LHFPL6: variants seen among roughly 807,000 people sequenced by gnomAD.
The protein encoded by LHFPL6 is LHFPL tetraspan subfamily member 6.
Under a neutral mutation model 20.6 loss-of-function variants are expected in LHFPL6, and 9 were observed. The ratio of observed to expected loss-of-function variants is 0.44; its 90% confidence interval spans 0.26 to 0.76. The LOEUF is 0.76. LHFPL6 is among the 30% of genes least tolerant of loss of function. The pLI is 0.20. For synonymous variants in LHFPL6, 105 were observed against 98.7 expected (o/e 1.06, Z -0.38); for missense variants, 218 against 253.5 (o/e 0.86, Z 0.95).
chr13:39,409,368 C>G (rs1360502127), intron 2 of LHFPL6, among the ~76,000 whole-genome samples: 5 of 152,016 alleles, frequency 3.3e-5, no homozygotes, highest in Non-Finnish European at 5.9e-5. Flanking sequence ...GCAGGAGAAT[C>G]GCTTGAACCT....
At chr13:39,494,261 G>C (rs757195613) in intron 2 of LHFPL6, among the ~76,000 whole-genome samples, 2 of 152,216 alleles carry the variant, frequency 1.3e-5, no homozygotes, top group African/African-American at 2.4e-5. Context: ...ATTGCTAGTC[G>C]CAGCTCTTAG....
intron 3 of LHFPL6, among the ~76,000 whole-genome samples, chr13:39,347,138 C>T (rs1869427692): frequency 1.3e-5 from 2 of 151,304 alleles, no homozygotes; most frequent in East Asian, 3.9e-4. Flanking sequence ...CAATGTCCTT[C>T]CTATAGCCTA....
intron 2 of LHFPL6, among the ~76,000 whole-genome samples, chr13:39,535,649 C>T (rs7986918): frequency 0.96 from 145,960 of 152,318 alleles, 69,950 homozygotes; most frequent in African/African-American, 0.96. Flanking sequence ...ACACATTCTG[C>T]TTTACTAGCT....
chr13:39,438,892 A>C (rs989877510), intron 2 of LHFPL6, among the ~76,000 whole-genome samples: 10 of 152,222 alleles, frequency 6.6e-5, no homozygotes, highest in African/African-American at 2.2e-4. Flanking sequence ...TTCAGGTAGA[A>C]GCCTGCTGCA....
At chr13:39,409,660 T>C (rs1375569853) in intron 2 of LHFPL6, among the ~76,000 whole-genome samples, 1 of 152,152 alleles carries the variant, frequency 6.6e-6, no homozygotes, top group African/African-American at 2.4e-5. Context: ...CAGTTCAATA[T>C]ATGCACTTAC....
intron 2 of LHFPL6, among the ~76,000 whole-genome samples, chr13:39,506,814 C>T (rs912742097): frequency 3.9e-5 from 6 of 152,136 alleles, no homozygotes; most frequent in African/African-American, 1.4e-4. Context: ...TTTTCTTTCA[C>T]TTGACAGCAC....
At chr13:39,480,928 T>C (rs1868488214) in intron 2 of LHFPL6, among the ~76,000 whole-genome samples, 1 of 152,194 alleles carries the variant, frequency 6.6e-6, no homozygotes, top group Admixed American at 6.6e-5. Flanking sequence ...AAGTGAATTA[T>C]GACATATTCA....
At chr13:39,364,873 T>A (rs1486965267) in intron 3 of LHFPL6, among the ~76,000 whole-genome samples, 1 of 152,182 alleles carries the variant, frequency 6.6e-6, no homozygotes, top group Non-Finnish European at 1.5e-5. Context: ...CTGCTATCAA[T>A]CCTTGCTTCT....
intron 2 of LHFPL6, among the ~76,000 whole-genome samples, chr13:39,509,822 G>A (rs1217102743): frequency 6.6e-6 from 1 of 152,040 alleles, no homozygotes; most frequent in Non-Finnish European, 1.5e-5. Context: ...TAGCCAGGCA[G>A]GGTGGCATGT....
At chr13:39,569,425 A>G (rs1171403926) in intron 2 of LHFPL6, among the ~76,000 whole-genome samples, 1 of 152,152 alleles carries the variant, frequency 6.6e-6, no homozygotes, top group Non-Finnish European at 1.5e-5. Context: ...TCATTTTCAA[A>G]AGGAGAAAAT....
chr13:39,397,100 T>G (rs547170969), intron 2 of LHFPL6, among the ~76,000 whole-genome samples: 3 of 152,246 alleles, frequency 2.0e-5, no homozygotes, highest in Admixed American at 6.5e-5. Flanking sequence ...TAGTTAAAAA[T>G]ATATTCTTCT....
At chr13:39,488,825 A>C (rs944725938) in intron 2 of LHFPL6, among the ~76,000 whole-genome samples, 21 of 152,096 alleles carry the variant, frequency 1.4e-4, no homozygotes, top group African/African-American at 5.1e-4. Flanking sequence ...TAGATAGCAT[A>C]AGACGTCAAA....
chr13:39,590,280 A>G (rs1243069482), intron 2 of LHFPL6, among the ~76,000 whole-genome samples: 1 of 152,214 alleles, frequency 6.6e-6, no homozygotes, highest in Non-Finnish European at 1.5e-5. Flanking sequence ...ATTGAATCCT[A>G]TATTCCTCCC....
intron 2 of LHFPL6, among the ~76,000 whole-genome samples, chr13:39,477,316 T>C (rs993284406): frequency 6.6e-6 from 1 of 152,226 alleles, no homozygotes; most frequent in African/African-American, 2.4e-5. Context: ...ATTTGGCTGA[T>C]AGCACTTTAT....
At chr13:39,602,813 G>C (rs1187368226) in intron 1 of LHFPL6, 70 bp downstream of exon 1, 1 of 152,280 alleles carries the variant, frequency 6.6e-6, no homozygotes, top group Non-Finnish European at 1.5e-5. Flanking sequence ...CTCCGGCTCC[G>C]GGGCAGAGAG....
intron 3 of LHFPL6, among the ~76,000 whole-genome samples, chr13:39,373,825 T>C (rs914420028): frequency 6.6e-6 from 1 of 152,112 alleles, no homozygotes; most frequent in African/African-American, 2.4e-5. Flanking sequence ...CAATGAGAGA[T>C]ACCCTTTCAC....
chr13:39,556,016 A>C, intron 2 of LHFPL6, among the ~76,000 whole-genome samples: 1 of 151,462 alleles, frequency 6.6e-6, no homozygotes. Flanking sequence ...TCTCACTCCC[A>C]CTCTTGCCAT....
chr13:39,597,319 C>T (rs145581251), intron 2 of LHFPL6, among the ~76,000 whole-genome samples: 40 of 152,300 alleles, frequency 2.6e-4, no homozygotes, highest in African/African-American at 8.4e-4. Flanking sequence ...TTAACAAATA[C>T]GCTTAATATG....
At chr13:39,573,062 C>T (rs1348731153) in intron 2 of LHFPL6, among the ~76,000 whole-genome samples, 3 of 152,184 alleles carry the variant, frequency 2.0e-5, no homozygotes, top group African/African-American at 4.8e-5. Context: ...GTACCGCATA[C>T]TGTTTTTTAA....
Sources: allele counts gnomAD v4.1 joint callset (sites outside exome capture counted in the v4.1 genomes callset), GRCh38; gene constraint gnomAD v4.1.1; transcripts MANE v1.5; gene names NCBI Gene and HGNC (gene_info 2026-07-23, HGNC 2026-07-21).